Variants in SLC6A11 observed in about 807,000 individuals in gnomAD.
SLC6A11 encodes sodium- and chloride-dependent GABA transporter 3.
A neutral mutation model predicts 74.8 loss-of-function variants in SLC6A11; 25 were observed. That is an observed-to-expected ratio of 0.33 (90% CI 0.24 to 0.47). SLC6A11 has a LOEUF of 0.47. SLC6A11 is among the 20% of genes least tolerant of loss of function. The pLI is 1.00. For synonymous variants in SLC6A11, 330 were observed against 330.2 expected (o/e 1.00, Z 0.01); for missense variants, 574 against 837.0 (o/e 0.69, Z 3.88).
chr3:10,856,363 G>C (rs1248678527), intron 5 of SLC6A11, among the ~76,000 whole-genome samples: 1 of 152,222 alleles, frequency 6.6e-6, no homozygotes, highest in African/African-American at 2.4e-5. Flanking sequence ...GACAGACCCA[G>C]GTCCTTCCTG....
intron 6 of SLC6A11, among the ~76,000 whole-genome samples, chr3:10,885,595 GATAAAA>G (rs1287840937): frequency 1.1e-4 from 9 of 81,506 alleles, no homozygotes; most frequent in Admixed American, 8.1e-4. Flanking sequence ...CAGCCCCCAT[GATAAAA>G]AAAAAAAAAA....
At chr3:10,888,529 AG>A (rs1280374164) in intron 6 of SLC6A11, among the ~76,000 whole-genome samples, 1 of 152,176 alleles carries the variant, frequency 6.6e-6, no homozygotes, top group Non-Finnish European at 1.5e-5. Context: ...GAAGTTCAAG[AG>A]GATCAACACA....
intron 6 of SLC6A11, among the ~76,000 whole-genome samples, chr3:10,899,395 C>G (rs1316759487): frequency 1.3e-5 from 2 of 152,238 alleles, no homozygotes; most frequent in Non-Finnish European, 2.9e-5. Context: ...TATCAGAATT[C>G]TGTTTCATAT....
intron 5 of SLC6A11, among the ~76,000 whole-genome samples, chr3:10,870,391 C>T (rs1694815232): frequency 6.6e-6 from 1 of 152,196 alleles, no homozygotes; most frequent in Non-Finnish European, 1.5e-5. Flanking sequence ...GGGGTTTCAT[C>T]CCAGCTGATT....
intron 8 of SLC6A11, among the ~76,000 whole-genome samples, chr3:10,920,329 C>T (rs532702715): frequency 4.6e-5 from 7 of 152,122 alleles, no homozygotes; most frequent in East Asian, 1.9e-4. Flanking sequence ...TCAAATCCAA[C>T]GCAACACCTT....
chr3:10,855,698 G>A (rs1050226502), intron 5 of SLC6A11, among the ~76,000 whole-genome samples: 7 of 101,852 alleles, frequency 6.9e-5, no homozygotes, highest in Non-Finnish European at 1.3e-4. Flanking sequence ...CTAGTAAACA[G>A]ACAGTTACAA....
chr3:10,863,956 G>C (rs187231909), intron 5 of SLC6A11, among the ~76,000 whole-genome samples: 100 of 152,170 alleles, frequency 6.6e-4, no homozygotes, highest in South Asian at 1.7e-3. Flanking sequence ...CACAACTTCT[G>C]GGTGCTTCAG....
intron 6 of SLC6A11, among the ~76,000 whole-genome samples, chr3:10,876,918 C>G (rs1027820206): frequency 6.6e-6 from 1 of 152,124 alleles, no homozygotes; most frequent in Non-Finnish European, 1.5e-5. Context: ...AGAGTTGGGA[C>G]TTGGGTTCTC....
chr3:10,895,803 A>G (rs1397852150), intron 6 of SLC6A11, among the ~76,000 whole-genome samples: 1 of 152,050 alleles, frequency 6.6e-6, no homozygotes, highest in Non-Finnish European at 1.5e-5. Context: ...AGAGAGCATC[A>G]GGATAAATAG....
At chr3:10,913,855 G>A (rs548994572) in intron 7 of SLC6A11, among the ~76,000 whole-genome samples, 6 of 152,174 alleles carry the variant, frequency 3.9e-5, no homozygotes, top group Admixed American at 6.5e-5. Flanking sequence ...CACCACGCCC[G>A]GCTAATTTTT....
intron 5 of SLC6A11, among the ~76,000 whole-genome samples, chr3:10,870,293 A>G (rs1349557056): frequency 6.6e-6 from 1 of 152,212 alleles, no homozygotes; most frequent in Non-Finnish European, 1.5e-5. Flanking sequence ...CTCAAGGACT[A>G]GACCTAGGTC....
intron 6 of SLC6A11, among the ~76,000 whole-genome samples, chr3:10,897,458 C>T (rs1695184566): frequency 6.6e-6 from 1 of 152,170 alleles, no homozygotes; most frequent in Non-Finnish European, 1.5e-5. Context: ...TAAATACAAC[C>T]CTTCCAAATG....
intron 6 of SLC6A11, among the ~76,000 whole-genome samples, chr3:10,876,922 G>A (rs928761135): frequency 3.9e-5 from 6 of 152,060 alleles, no homozygotes; most frequent in African/African-American, 1.4e-4. Flanking sequence ...TTGGGACTTG[G>A]GTTCTCCTGG....
chr3:10,858,236 C>T (rs1694661753), intron 5 of SLC6A11, among the ~76,000 whole-genome samples: 1 of 152,184 alleles, frequency 6.6e-6, no homozygotes. Flanking sequence ...AGCCTTTCCT[C>T]AATTTACATG....
At chr3:10,819,959 C>T in intron 3 of SLC6A11, 107 bp downstream of exon 3, 1 of 1,221,110 alleles carries the variant, frequency 8.2e-7, no homozygotes, top group Non-Finnish European at 1.2e-6. Flanking sequence ...CGTCATGAGT[C>T]CAGTTTTCTA....
Position 10,929,348 on chromosome 3 carries a change from C to T in SLC6A11, c.1371+9C>T, listed in dbSNP as rs561585750. On this transcript the variant is annotated intron_variant, in intron 10 of 13. Coordinates refer to ENST00000254488, the MANE Select transcript of SLC6A11 (RefSeq NM_014229.3). ...TCGTGATGTTAACAGAGGTGAGTGG[C>T]ATGGTTCGGGCCGCACGGGGTGAAG... 1 of 1,613,600 alleles carries T rather than the reference C, an allele frequency of 6.2e-7. No homozygotes were observed. The highest frequency in any genetic ancestry group is 8.5e-7 in the Non-Finnish European group (1 of 1,179,708).
chr3:10,873,604 CCTATGCCATG>C (rs1694864231), intron 5 of SLC6A11, among the ~76,000 whole-genome samples: 1 of 140,770 alleles, frequency 7.1e-6, no homozygotes, highest in African/African-American at 2.8e-5. Context: ...CCTATCCTAT[CCTATGCCATG>C]CTATCCTATC....
intron 4 of SLC6A11, among the ~76,000 whole-genome samples, chr3:10,837,687 C>T (rs952207258): frequency 7.2e-5 from 11 of 152,184 alleles, no homozygotes. Flanking sequence ...CGTAAGTTCC[C>T]TGAGGGTGGA....
At chr3:10,898,943 A>G (rs188544149) in intron 6 of SLC6A11, among the ~76,000 whole-genome samples, 2 of 152,336 alleles carry the variant, frequency 1.3e-5, no homozygotes, top group African/African-American at 4.8e-5. Context: ...CCTCACAATC[A>G]TGGCAGAAAA....
Sources: allele counts gnomAD v4.1 joint callset (sites outside exome capture counted in the v4.1 genomes callset), GRCh38; gene constraint gnomAD v4.1.1; transcripts MANE v1.5; gene names NCBI Gene and HGNC (gene_info 2026-07-23, HGNC 2026-07-21).